Variants in TPTE2 observed in about 807,000 individuals in gnomAD.
The protein encoded by TPTE2 is phosphatidylinositol 3,4,5-trisphosphate 3-phosphatase TPTE2.
A neutral mutation model predicts 78.6 loss-of-function variants in TPTE2; 53 were observed. The observed-to-expected ratio is 0.67, with a 90% CI of 0.54 to 0.85. The LOEUF (loss-of-function observed/expected upper bound fraction) is 0.85. TPTE2 is among the 40% of genes least tolerant of loss of function. The pLI is 0.00. For synonymous variants in TPTE2, 175 were observed against 206.2 expected (o/e 0.85, Z 1.30); for missense variants, 461 against 623.0 (o/e 0.74, Z 2.77).
intron 10 of TPTE2, among the ~76,000 whole-genome samples, chr13:19,464,052 G>A (rs1879104405): frequency 6.6e-6 from 1 of 152,118 alleles, no homozygotes; most frequent in African/African-American, 2.4e-5. Context: ...GGGCCTCGGG[G>A]GGGTGCACGT....
chr13:19,433,000 C>T (rs1269223022), intron 15 of TPTE2, among the ~76,000 whole-genome samples: 1 of 152,198 alleles, frequency 6.6e-6, no homozygotes, highest in Admixed American at 6.5e-5. Context: ...GGAATACCTC[C>T]AAACCTCAGT....
intron 1 of TPTE2, among the ~76,000 whole-genome samples, chr13:19,512,955 C>G (rs116825403): frequency 0.014 from 2,070 of 152,234 alleles, 38 homozygotes; most frequent in African/African-American, 0.046. Flanking sequence ...GTTAAGCTGG[C>G]ATCTCATAAA....
chr13:19,498,406 G>A (rs1404739844), intron 1 of TPTE2, among the ~76,000 whole-genome samples: 2 of 151,508 alleles, frequency 1.3e-5, no homozygotes, highest in East Asian at 1.9e-4. Flanking sequence ...AAGAAAGGTC[G>A]GGTTACCCTC....
intron 6 of TPTE2, among the ~76,000 whole-genome samples, chr13:19,472,918 C>T (rs992011275): frequency 6.6e-6 from 1 of 152,224 alleles, no homozygotes; most frequent in African/African-American, 2.4e-5. Flanking sequence ...CTAGGCGGCA[C>T]CCCAAGCCTC....
At chr13:19,509,681 A>G (rs1442249737) in intron 1 of TPTE2, among the ~76,000 whole-genome samples, 3 of 152,184 alleles carry the variant, frequency 2.0e-5, no homozygotes, top group Admixed American at 2.0e-4. Flanking sequence ...TTTTTAGAAT[A>G]TTGACATACT....
At chr13:19,495,707 T>C (rs1418035423) in intron 1 of TPTE2, among the ~76,000 whole-genome samples, 2 of 152,222 alleles carry the variant, frequency 1.3e-5, no homozygotes, top group Middle Eastern at 3.2e-3. Flanking sequence ...GCATGGTGCA[T>C]TGACCAGCCT....
chr13:19,489,516 G>A (rs1566061924), intron 3 of TPTE2, among the ~76,000 whole-genome samples: 1 of 149,130 alleles, frequency 6.7e-6, no homozygotes, highest in Non-Finnish European at 1.5e-5. Flanking sequence ...TATATTAGAG[G>A]ATATATATAT....
At chr13:19,430,589 A>T in intron 16 of TPTE2, 42 bp from the exon 20 acceptor site, 1 of 1,406,210 alleles carries the variant, frequency 7.1e-7, no homozygotes, top group Non-Finnish European at 1.0e-6. Context: ...GTTGGTTAGC[A>T]TGAAGATCAA....
intron 10 of TPTE2, among the ~76,000 whole-genome samples, chr13:19,462,388 T>G (rs887221926): frequency 2.0e-5 from 3 of 148,946 alleles, no homozygotes; most frequent in East Asian, 2.0e-4. Flanking sequence ...TGGTTGACAG[T>G]TTTTTTTTTC....
At chr13:19,559,355 T>C in the TPTE2 span, among the ~76,000 whole-genome samples, 23 of 152,334 alleles carry the variant, frequency 1.5e-4, no homozygotes, top group South Asian at 4.1e-3. Context: ...CTCTGGGCCC[T>C]GGCTTGCCCC....
the TPTE2 span, among the ~76,000 whole-genome samples, chr13:19,549,811 A>G: frequency 6.6e-5 from 6 of 91,314 alleles, no homozygotes; most frequent in Admixed American, 8.2e-4. Flanking sequence ...ACCATGGAAT[A>G]CTATGCAGCT....
intron 16 of TPTE2, 51 bp downstream of exon 19, chr13:19,432,422 G>A: frequency 2.9e-6 from 1 of 348,424 alleles, no homozygotes; most frequent in Non-Finnish European, 5.5e-6. Context: ...CTCCCAGAGT[G>A]GGGACATTGG....
Position 19,465,566 on chromosome 13 carries a change from T to C in TPTE2, c.513-2A>G. On this transcript the variant is annotated splice_acceptor_variant, in intron 7 of 19. Transcript: ENST00000400230. LOFTEE classifies it high-confidence loss of function. ...AGAAGTCGAACTAAATGTGTCCATC[T>C]AACAATAAATTTAAAAGATCCATTT... The C allele has an allele frequency of 1.3e-6, 2 of 1,580,906 alleles. No individual in the cohort carries two copies. The highest frequency in any genetic ancestry group is 1.7e-6 in the Non-Finnish European group (2 of 1,168,266).
At chr13:19,467,933 A>T (rs566477892) in intron 6 of TPTE2, among the ~76,000 whole-genome samples, 1 of 145,878 alleles carries the variant, frequency 6.9e-6, no homozygotes, top group Non-Finnish European at 1.5e-5. Flanking sequence ...AAGTGAGAAC[A>T]TGTGATGTTT....
rs1396887738 is a variant in TPTE2 at position 19,493,824 on chromosome 13, C to G, written c.12-323G>C. Among the ~76,000 whole-genome samples the G allele has an allele frequency of 4.6e-5, 7 of 152,136 alleles. 1 individual carries two copies. Among genetic ancestry groups the G allele is most frequent in the Admixed American group, 4.6e-4 (7 of 15,270 alleles). On this transcript the variant is annotated intron_variant, in intron 1 of 19. Coordinates refer to ENST00000400230, the Ensembl canonical transcript of TPTE2. ...AACTCCAGTTTGTAGGTAGGCAGCC[C>G]TCTTATTCCATTCAATGTCCTGCTT...
At chr13:19,560,902 G>A in the TPTE2 span, 6 of 1,584,506 alleles carry the variant, frequency 3.8e-6, no homozygotes, top group South Asian at 1.1e-5. Context: ...TCTCACACTC[G>A]TTGGAGGCCA....
At chr13:19,445,897 T>C (rs1238270306) in intron 13 of TPTE2, among the ~76,000 whole-genome samples, 1 of 152,208 alleles carries the variant, frequency 6.6e-6, no homozygotes, top group Non-Finnish European at 1.5e-5. Flanking sequence ...ACTGAGATCA[T>C]GTCACTGCAC....
intron 13 of TPTE2, among the ~76,000 whole-genome samples, chr13:19,447,631 AT>A (rs1392595432): frequency 6.6e-6 from 1 of 152,146 alleles, no homozygotes; most frequent in Non-Finnish European, 1.5e-5. Context: ...ATTTTACTGA[AT>A]TATATAAGTC....
At chr13:19,546,425 A>C in the TPTE2 span, among the ~76,000 whole-genome samples, 1 of 152,040 alleles carries the variant, frequency 6.6e-6, no homozygotes, top group South Asian at 2.1e-4. Flanking sequence ...TAATACTAAA[A>C]AGAAGAACAA....
Sources: allele counts gnomAD v4.1 joint callset (sites outside exome capture counted in the v4.1 genomes callset), GRCh38; gene constraint gnomAD v4.1.1; transcripts MANE v1.5; gene names NCBI Gene and HGNC (gene_info 2026-07-23, HGNC 2026-07-21).